Variants in PPIL4 observed in about 807,000 individuals in gnomAD.
PPIL4 encodes peptidyl-prolyl cis-trans isomerase-like 4.
In PPIL4, 50 loss-of-function variants were observed where a neutral mutation model predicts 69.1. The ratio of observed to expected loss-of-function variants is 0.72; its 90% CI spans 0.58 to 0.92. The LOEUF (loss-of-function observed/expected upper bound fraction) is 0.92. PPIL4 is among the 40% of genes least tolerant of loss of function. PPIL4 has a pLI of 0.00. For missense variants in PPIL4, 480 were observed against 587.9 expected (o/e 0.82, Z 1.90); for synonymous variants, 193 against 191.6 (o/e 1.01, Z -0.06).
intron 12 of PPIL4, among the ~76,000 whole-genome samples, chr6:149,510,935 A>T (rs1776832795): frequency 6.6e-6 from 1 of 152,154 alleles, no homozygotes; most frequent in Non-Finnish European, 1.5e-5. Context: ...TCTTAACAAA[A>T]TGCCTGTGAA....
chr6:149,512,075 TA>T, intron 12 of PPIL4, 79 bp downstream of exon 12: 5 of 1,247,608 alleles, frequency 4.0e-6, no homozygotes, highest in Non-Finnish European at 5.5e-6. Context: ...CCTTACCTCC[TA>T]AATTATATCA....
At position 149,526,654 on chromosome 6, in the gene PPIL4, T is replaced by C. The variant is rs201725929; in HGVS notation, c.801A>G (p.Arg267=). 3 of 1,607,978 alleles carry C rather than the reference T, an allele frequency of 1.9e-6. No homozygotes were observed. The highest frequency in any genetic ancestry group is 4.5e-5 in the East Asian group (2 of 44,718). Residue 267 remains arginine, a splice_region_variant and synonymous_variant, in exon 8 of 13, where the codon AGA becomes AGG. Transcript: ENST00000253329. The stretch of plus-strand genomic sequence containing the variant: ...CTTTCACTAATTCTAAGGATTACCT[T>C]CTTATTGGCCCAAATCTAGAGAATA... The part of the protein sequence containing the change: ...EIIFSRFGPI[R]SCEVIRDWKT...
At position 149,505,810 on chromosome 6, in the gene PPIL4, A is replaced by C. The variant is rs553134232; in HGVS notation, c.1228-106T>G. 97 of 975,166 alleles carry C rather than the reference A, an allele frequency of 9.9e-5. No homozygotes were observed. In the African/African-American group the frequency reaches 1.5e-3, roughly 15 times the overall value. 60.4% of individuals were successfully genotyped at this position (975,166 alleles called of 1,614,324 possible). Reference sequence around the variant, plus strand: ...AGTCTACCATTAGAAGGCTGTTATAACAGCTTAAATGTGAACACTACCACT... The same window carrying C: ...AGTCTACCATTAGAAGGCTGTTATACCAGCTTAAATGTGAACACTACCACT... On this transcript the variant is annotated intron_variant, in intron 12 of 12. Coordinates refer to ENST00000253329, the MANE Select transcript of PPIL4 (RefSeq NM_139126.4).
At chr6:149,510,928 TAAC>T (rs1323388289) in intron 12 of PPIL4, among the ~76,000 whole-genome samples, 1 of 152,092 alleles carries the variant, frequency 6.6e-6, no homozygotes, top group African/African-American at 2.4e-5. Context: ...CACTGAATCT[TAAC>T]AAAATGCCTG....
Position 149,512,316 on chromosome 6 carries a change from T to C in PPIL4, c.1080-14A>G. On this transcript the variant is annotated splice_polypyrimidine_tract_variant and intron_variant, in intron 11 of 12. Coordinates refer to ENST00000253329, the MANE Select transcript of PPIL4 (RefSeq NM_139126.4). ...TCGTATTTTGTACTGCAGTAGTTAGTTAAGGATAAATGTGATAAATAATAC... is the reference window on the plus strand; with the variant it reads ...TCGTATTTTGTACTGCAGTAGTTAGCTAAGGATAAATGTGATAAATAATAC... The C allele has an allele frequency of 6.3e-7, 1 of 1,599,422 alleles. No homozygotes were observed. The highest frequency in any genetic ancestry group is 8.5e-7 in the Non-Finnish European group (1 of 1,169,782).
intron 11 of PPIL4, among the ~76,000 whole-genome samples, chr6:149,515,424 A>G (rs1479953085): frequency 6.6e-6 from 1 of 152,174 alleles, no homozygotes; most frequent in East Asian, 1.9e-4. Flanking sequence ...TATTAGTGTC[A>G]CAGCTTTAAT....
rs114583181 is a variant in PPIL4, at chr6:149,528,938, T to C, written c.679-2162A>G. Among the ~76,000 whole-genome samples, 253 of 152,240 alleles carry C rather than the reference T, an allele frequency of 1.7e-3. 1 individual carries two copies. The highest frequency in any genetic ancestry group is 5.6e-3 in the African/African-American group (234 of 41,542). On this transcript the variant is annotated intron_variant, in intron 7 of 12. Transcript: ENST00000253329. ...AACATTACTTAGCAATTAAAAGAAATGAGCTATCAGCCATGCATGGTGGCT... is the reference window on the plus strand; with the variant it reads ...AACATTACTTAGCAATTAAAAGAAACGAGCTATCAGCCATGCATGGTGGCT...
intron 10 of PPIL4, 111 bp from the exon 11 acceptor site, chr6:149,517,561 A>G: frequency 1.9e-6 from 1 of 537,296 alleles, no homozygotes; most frequent in Non-Finnish European, 3.2e-6. Flanking sequence ...ATATATCGAG[A>G]GACAGAGAAA....
chr6:149,518,515 T>C (rs1351804997), intron 10 of PPIL4, among the ~76,000 whole-genome samples: 3 of 152,106 alleles, frequency 2.0e-5, no homozygotes, highest in African/African-American at 7.2e-5. Context: ...TGTACCTTGA[T>C]TGTCAGGGTT....
At chr6:149,545,643 T>TAA (rs1777428370) in intron 1 of PPIL4, among the ~76,000 whole-genome samples, 1 of 151,788 alleles carries the variant, frequency 6.6e-6, no homozygotes, top group Non-Finnish European at 1.5e-5. Flanking sequence ...GCAGCTCGAA[T>TAA]CACACACACA....
intron 12 of PPIL4, among the ~76,000 whole-genome samples, chr6:149,509,849 T>C (rs979404943): frequency 4.6e-5 from 7 of 152,202 alleles, no homozygotes; most frequent in Admixed American, 4.6e-4. Flanking sequence ...GTTCTCACTT[T>C]GTTGTGTGAA....
At chr6:149,541,695 A>C in intron 1 of PPIL4, 109 bp from the exon 2 acceptor site, 1 of 657,712 alleles carries the variant, frequency 1.5e-6, no homozygotes, top group Non-Finnish European at 2.6e-6. Context: ...AAGAAAAAAA[A>C]AGTCAAATGT....
chr6:149,544,829 C>T (rs996522766), intron 1 of PPIL4, among the ~76,000 whole-genome samples: 1 of 152,122 alleles, frequency 6.6e-6, no homozygotes, highest in South Asian at 2.1e-4. Flanking sequence ...CGAGGGAAAG[C>T]GGAGCACGGC....
intron 3 of PPIL4, 83 bp from the exon 4 acceptor site, chr6:149,541,142 AT>A: frequency 1.4e-6 from 1 of 707,726 alleles, no homozygotes; most frequent in Non-Finnish European, 2.2e-6. Context: ...GTTATCAATT[AT>A]TTCTTTACAG....
rs536945617 is a variant in PPIL4, at chr6:149,542,189, A to C, written c.71-603T>G. ...TGATTTTATTACGAGAAAAAAGAAC[A>C]CTTAAAGAGCATATTGTAGTAGAAA... On this transcript the variant is annotated intron_variant, in intron 1 of 12. Transcript: ENST00000253329. Among the ~76,000 whole-genome samples, 3 of 152,260 alleles carry C rather than the reference A, an allele frequency of 2.0e-5. No individual in the cohort carries two copies. In the East Asian group the frequency reaches 5.8e-4, roughly 29 times the overall value.
chr6:149,546,032 C>T lies in PPIL4; in HGVS notation c.-27G>A, dbSNP rs1424577829. On this transcript the variant is annotated 5_prime_UTR_variant, in exon 1 of 13. Transcript: ENST00000253329. ...GCGCCCGCTCCTCCTCCGCTACAAA[C>T]CCCGGGAGGAGGGGGGTGACAGGCG... is the stretch of plus-strand genomic sequence containing the variant. The T allele has an allele frequency of 6.4e-7, 1 of 1,557,056 alleles. No homozygotes were observed. The highest frequency in any genetic ancestry group is 1.4e-5 in the African/African-American group (1 of 73,306).
intron 10 of PPIL4, 108 bp from the exon 11 acceptor site, chr6:149,517,558 G>C: frequency 1.9e-6 from 1 of 539,570 alleles, no homozygotes; most frequent in South Asian, 3.0e-5. Context: ...GGCATATATC[G>C]AGAGACAGAG....
In PPIL4 at chr6:149,534,757, A is replaced by G; in HGVS notation, c.482T>C (p.Ile161Thr). ...AGGGTCATCAAATGGATCATCTAAA[A>G]TCACCGTATGATTTATCCTTACAAA... Reference protein sequence around the residue: ...YQDIRINHTVILDDPFDDPPD... With the variant: ...YQDIRINHTVTLDDPFDDPPD... The change falls in exon 6 of 13, where the codon ATT (isoleucine) becomes ACT (threonine). Residue 161 changes from isoleucine (I) to threonine (T), a missense_variant. Physicochemically the swap from Ile to Thr is moderately conservative, Grantham distance 89 (BLOSUM62 -1). Transcript: ENST00000253329. 1 of 1,570,430 alleles carries G rather than the reference A, an allele frequency of 6.4e-7. No homozygotes were observed. The highest frequency in any genetic ancestry group is 1.4e-5 in the African/African-American group (1 of 73,944).
chr6:149,539,857 C>T (rs774557565), intron 4 of PPIL4, among the ~76,000 whole-genome samples: 3 of 152,152 alleles, frequency 2.0e-5, no homozygotes, highest in East Asian at 1.9e-4. Context: ...TGGTCGGCCA[C>T]GGTGGCTCAC....
Sources: gnomAD v4.1 joint callset for allele counts (sites outside exome capture counted in the v4.1 genomes callset) on GRCh38, gnomAD v4.1.1 for gene constraint, MANE v1.5 for transcripts, NCBI Gene and HGNC (gene_info 2026-07-23, HGNC 2026-07-21) for gene names.